The following KCNH1 variants were observed in gnomAD, a reference collection of about 807,000 sequenced individuals.
KCNH1 encodes voltage-gated delayed rectifier potassium channel KCNH1.
Under a neutral mutation model 69.2 loss-of-function variants are expected in KCNH1, and 27 were observed. The ratio of observed to expected loss-of-function variants is 0.39; its 90% confidence interval spans 0.29 to 0.54. KCNH1 has a LOEUF of 0.54. KCNH1 is among the 20% of genes least tolerant of loss of function. KCNH1 has a pLI of 0.68. For missense variants in KCNH1, 798 were observed against 1,261.6 expected, an observed-to-expected ratio of 0.63 and a Z score of 5.57; for synonymous variants, 456 against 487.7, an observed-to-expected ratio of 0.93 and a Z score of 0.86.
At chr1:211,017,498 G>T (rs955025787) in intron 6 of KCNH1, among the ~76,000 whole-genome samples, 2 of 152,116 alleles carry the variant, frequency 1.3e-5, no homozygotes, top group East Asian at 3.9e-4. Flanking sequence ...AGCAATGAGG[G>T]CCCAGCTGAA....
chr1:210,887,790 A>C (rs982900341), intron 7 of KCNH1, among the ~76,000 whole-genome samples: 1 of 151,950 alleles, frequency 6.6e-6, no homozygotes, highest in African/African-American at 2.4e-5. Flanking sequence ...CTTTAAACCA[A>C]CAAAGATCAA....
intron 7 of KCNH1, among the ~76,000 whole-genome samples, chr1:210,819,820 AG>A (rs1285646308): frequency 5.3e-5 from 8 of 152,246 alleles, no homozygotes; most frequent in African/African-American, 1.7e-4. Context: ...AACAGTGCTT[AG>A]GAAAAAATAA....
chr1:210,721,568 A>G (rs978688956), intron 10 of KCNH1, among the ~76,000 whole-genome samples: 88 of 152,206 alleles, frequency 5.8e-4, no homozygotes, highest in Non-Finnish European at 1.6e-4. Flanking sequence ...TTCTCCCTCA[A>G]TGGAGAAACA....
intron 3 of KCNH1, among the ~76,000 whole-genome samples, chr1:211,093,134 G>A (rs1691086382): frequency 6.6e-6 from 1 of 152,112 alleles, no homozygotes; most frequent in African/African-American, 2.4e-5. Flanking sequence ...CACCGGCTGG[G>A]CCCGATGCCT....
Position 210,683,152 on chromosome 1 carries a change from C to T in KCNH1, c.*129G>A. The T allele has an allele frequency of 2.2e-6, 2 of 915,832 alleles. No individual in the cohort carries two copies. Among genetic ancestry groups the T allele is most frequent in the Non-Finnish European group, 3.3e-6 (2 of 600,824 alleles). The allele number at this position is 915,832 out of a possible 1,614,324, so 56.7% of individuals were successfully genotyped here. On this transcript the variant is annotated 3_prime_UTR_variant, in exon 11 of 11. Transcript: ENST00000271751. The surrounding 1 kb of genome is among the most constrained non-coding windows in gnomAD (Gnocchi z 5.7). ...ATAGAGAAAGAGCACGTCTAAGCCA[C>T]TGGCCCCACTTTTTCTGTTAGGAAA...
chr1:210,864,963 G>C (rs1400969086), intron 7 of KCNH1, among the ~76,000 whole-genome samples: 1 of 152,224 alleles, frequency 6.6e-6, no homozygotes, highest in Non-Finnish European at 1.5e-5. Flanking sequence ...TTTCTTTACA[G>C]AATGGTAGCT....
intron 6 of KCNH1, among the ~76,000 whole-genome samples, chr1:210,977,086 C>T (rs1227025802): frequency 6.6e-6 from 1 of 152,092 alleles, no homozygotes; most frequent in Admixed American, 6.5e-5. Context: ...ACTGGTGGCA[C>T]ATATACACCA....
intron 4 of KCNH1, 88 bp downstream of exon 4, chr1:211,090,474 G>A: frequency 8.6e-7 from 1 of 1,167,270 alleles, no homozygotes; most frequent in Non-Finnish European, 1.2e-6. Flanking sequence ...TAAAGTGATT[G>A]CCTTGACAAC....
At chr1:211,125,343 CT>C (rs1691758649) in intron 1 of KCNH1, among the ~76,000 whole-genome samples, 1 of 152,152 alleles carries the variant, frequency 6.6e-6, no homozygotes, top group Non-Finnish European at 1.5e-5. Flanking sequence ...TATTCAGTAC[CT>C]TGGCCCACAC....
rs150989888 is a variant in KCNH1 at position 210,936,749 on chromosome 1, T to C, written c.1033-16680A>G. Reference sequence around the variant, plus strand: ...AAACTTTAATGTCCATGAGGAAAAATCATTCAACACTCTATTCTTTGACCT... The same window carrying C: ...AAACTTTAATGTCCATGAGGAAAAACCATTCAACACTCTATTCTTTGACCT... On this transcript the variant is annotated intron_variant, in intron 6 of 10. Coordinates refer to ENST00000271751, the MANE Select transcript of KCNH1 (RefSeq NM_172362.3). 3.5e-3 allele frequency among the ~76,000 whole-genome samples: 540 copies of C among 152,214 alleles called. 6 individuals are homozygous for C. The highest frequency in any genetic ancestry group is 0.013 in the South Asian group (63 of 4,818).
chr1:210,734,850 T>C (rs915027847), intron 10 of KCNH1, among the ~76,000 whole-genome samples: 49 of 152,194 alleles, frequency 3.2e-4, no homozygotes, highest in African/African-American at 1.1e-3. Context: ...AATAATCTAG[T>C]TGCAGACACT....
intron 6 of KCNH1, among the ~76,000 whole-genome samples, chr1:210,935,739 G>C (rs2102581788): frequency 6.6e-6 from 1 of 152,276 alleles, no homozygotes; most frequent in Non-Finnish European, 1.5e-5. Flanking sequence ...TTTCAAGTTG[G>C]ATCAATATGG....
At chr1:210,845,258 T>C (rs919364251) in intron 7 of KCNH1, among the ~76,000 whole-genome samples, 5 of 152,322 alleles carry the variant, frequency 3.3e-5, no homozygotes, top group Middle Eastern at 3.4e-3. Flanking sequence ...TACCAAAGCC[T>C]GGCAGAAACA....
intron 10 of KCNH1, among the ~76,000 whole-genome samples, chr1:210,755,725 A>G (rs546897644): frequency 2.8e-4 from 43 of 152,250 alleles, no homozygotes; most frequent in African/African-American, 1.0e-3. Flanking sequence ...GTACACTTTG[A>G]CTTTATTTCT....
At chr1:210,965,302 A>G (rs988972713) in intron 6 of KCNH1, among the ~76,000 whole-genome samples, 1 of 152,166 alleles carries the variant, frequency 6.6e-6, no homozygotes, top group African/African-American at 2.4e-5. Context: ...GAAAAGAGGA[A>G]GTCAAATTGT....
intron 10 of KCNH1, among the ~76,000 whole-genome samples, chr1:210,750,846 G>A (rs957230844): frequency 7.9e-5 from 12 of 151,988 alleles, no homozygotes; most frequent in Admixed American, 5.2e-4. Context: ...AGTTTGGGAT[G>A]ACTCTTAAAA....
intron 7 of KCNH1, among the ~76,000 whole-genome samples, chr1:210,908,898 T>C (rs1687171173): frequency 6.6e-6 from 1 of 152,250 alleles, no homozygotes; most frequent in Non-Finnish European, 1.5e-5. Context: ...CAGAACTCAC[T>C]GGTGATTTTT....
At chr1:210,941,402 G>A (rs554313191) in intron 6 of KCNH1, among the ~76,000 whole-genome samples, 23 of 152,246 alleles carry the variant, frequency 1.5e-4, no homozygotes, top group African/African-American at 5.3e-4. Flanking sequence ...TCCACTAGCA[G>A]GTTGGGGGCA....
chr1:210,757,460 C>A (rs2102346121), intron 10 of KCNH1, among the ~76,000 whole-genome samples: 1 of 152,296 alleles, frequency 6.6e-6, no homozygotes, highest in African/African-American at 2.4e-5. Context: ...GCCTTAGATT[C>A]ATGGTTATCA....
Sources: gnomAD v4.1 joint callset for allele counts (sites outside exome capture counted in the v4.1 genomes callset) on GRCh38, gnomAD v4.1.1 for gene constraint, Gnocchi (gnomAD v3.1) non-coding constraint, MANE v1.5 for transcripts, NCBI Gene and HGNC (gene_info 2026-07-23, HGNC 2026-07-21) for gene names.